GOLM2: variants seen among roughly 807,000 people sequenced by gnomAD.
GOLM2 encodes the protein golgi membrane protein 2.
A neutral mutation model predicts 55.9 loss-of-function variants in GOLM2; 26 were observed. The observed-to-expected ratio is 0.47, with a 90% CI of 0.34 to 0.65. The LOEUF (loss-of-function observed/expected upper bound fraction) is 0.65. GOLM2 is among the 30% of genes least tolerant of loss of function. The pLI, the probability that GOLM2 is intolerant of heterozygous loss-of-function variation, is 0.01. For synonymous variants in GOLM2, 165 were observed against 194.6 expected, an observed-to-expected ratio of 0.85 and a Z score of 1.27; for missense variants, 486 against 531.8, an observed-to-expected ratio of 0.91 and a Z score of 0.85.
intron 1 of GOLM2, among the ~76,000 whole-genome samples, chr15:44,310,562 C>T (rs1415587287): frequency 6.7e-6 from 1 of 149,516 alleles, no homozygotes; most frequent in East Asian, 2.0e-4. Flanking sequence ...TGATGCACAC[C>T]TATAATCCCA....
At chr15:44,362,872 C>G (rs1462240783) in intron 6 of GOLM2, among the ~76,000 whole-genome samples, 1 of 152,080 alleles carries the variant, frequency 6.6e-6, no homozygotes, top group Non-Finnish European at 1.5e-5. Context: ...AGAACAGAGC[C>G]CTCAGAAATA....
chr15:44,290,305 A>T (rs2078711447), intron 1 of GOLM2, among the ~76,000 whole-genome samples: 1 of 152,226 alleles, frequency 6.6e-6, no homozygotes, highest in Non-Finnish European at 1.5e-5. Context: ...AGGATAGTAG[A>T]TGCCTTTCTA....
intron 1 of GOLM2, among the ~76,000 whole-genome samples, chr15:44,302,750 CAA>C (rs2078807626): frequency 6.6e-6 from 1 of 152,100 alleles, no homozygotes; most frequent in African/African-American, 2.4e-5. Context: ...CTTGGCCTCC[CAA>C]AGTGTTGGGA....
chr15:44,293,519 T>G (rs1050448379), intron 1 of GOLM2, among the ~76,000 whole-genome samples: 2 of 152,200 alleles, frequency 1.3e-5, no homozygotes, highest in Non-Finnish European at 2.9e-5. Context: ...CCTTTTCTTG[T>G]TTTTGATAAT....
At chr15:44,327,095 C>T (rs889900996) in intron 2 of GOLM2, among the ~76,000 whole-genome samples, 2 of 151,580 alleles carry the variant, frequency 1.3e-5, no homozygotes, top group Non-Finnish European at 2.9e-5. Flanking sequence ...GGATTACAGG[C>T]TCAGACCACC....
At chr15:44,310,981 C>T (rs1479515885) in intron 1 of GOLM2, among the ~76,000 whole-genome samples, 3 of 152,062 alleles carry the variant, frequency 2.0e-5, no homozygotes, top group South Asian at 2.1e-4. Flanking sequence ...TGTGCCACTT[C>T]ACTCCAGCCT....
intron 1 of GOLM2, among the ~76,000 whole-genome samples, chr15:44,313,072 C>T (rs2078885130): frequency 1.3e-5 from 2 of 150,872 alleles, no homozygotes; most frequent in East Asian, 2.0e-4. Context: ...GAGCAAGACT[C>T]CATCTCAAAA....
intron 8 of GOLM2, chr15:44,387,462 A>G (rs2079454210): frequency 6.6e-6 from 1 of 152,112 alleles, no homozygotes; most frequent in South Asian, 2.1e-4. Flanking sequence ...GCTAGTGCAT[A>G]TAAATATGAC....
At chr15:44,303,947 C>T (rs1257051763) in intron 1 of GOLM2, among the ~76,000 whole-genome samples, 3 of 151,520 alleles carry the variant, frequency 2.0e-5, no homozygotes, top group Non-Finnish European at 4.4e-5. Flanking sequence ...CCAAGTAGGT[C>T]TCAAACTCCT....
At chr15:44,379,571 T>C (rs1165419474) in intron 6 of GOLM2, 119 bp from the exon 7 acceptor site, 2 of 650,634 alleles carry the variant, frequency 3.1e-6, no homozygotes, top group Non-Finnish European at 5.4e-6. Flanking sequence ...ATTACAAAAT[T>C]AGAATAAACA....
At chr15:44,354,235 C>T (rs998236308) in intron 6 of GOLM2, among the ~76,000 whole-genome samples, 11 of 141,312 alleles carry the variant, frequency 7.8e-5, no homozygotes, top group East Asian at 4.2e-4. Flanking sequence ...GACCATAAAA[C>T]GGGAATTGAA....
At position 44,322,888 on chromosome 15, in the gene GOLM2, C is replaced by T. The variant is rs562811316; in HGVS notation, c.328-77C>T. On this transcript the variant is annotated intron_variant, in intron 1 of 9. Transcript: ENST00000299957. ...TTTTTTGTTTGCATTTATGATCAAGCTCAAAGTGAATATGAACCAAAAAAA... is the reference window on the plus strand; with the variant it reads ...TTTTTTGTTTGCATTTATGATCAAGTTCAAAGTGAATATGAACCAAAAAAA... The T allele has an allele frequency of 4.5e-5, 44 of 979,212 alleles. No homozygotes were observed. The Middle Eastern group carries it at 2.5e-3, about 55-fold the overall frequency. The allele number at this position is 979,212 out of a possible 1,614,324, so 60.7% of individuals were successfully genotyped here. A position where few individuals can be genotyped will look rare whatever the true frequency, so the allele number is the denominator to read the frequency against.
At chr15:44,309,056 A>G (rs896886028) in intron 1 of GOLM2, among the ~76,000 whole-genome samples, 12 of 152,210 alleles carry the variant, frequency 7.9e-5, no homozygotes, top group African/African-American at 2.4e-4. Context: ...ATTATTAATC[A>G]TCAGGGAAAT....
chr15:44,302,553 C>T (rs1054419356), intron 1 of GOLM2, among the ~76,000 whole-genome samples: 10 of 151,750 alleles, frequency 6.6e-5, no homozygotes, highest in African/African-American at 1.9e-4. Flanking sequence ...TGCAGTGTCA[C>T]CATCTCAGCT....
chr15:44,297,306 G>A (rs2078762960), intron 1 of GOLM2, among the ~76,000 whole-genome samples: 1 of 152,168 alleles, frequency 6.6e-6, no homozygotes, highest in East Asian at 1.9e-4. Flanking sequence ...CAGAGTGGCT[G>A]TATGACTCAC....
intron 6 of GOLM2, among the ~76,000 whole-genome samples, chr15:44,370,746 T>C (rs1186409730): frequency 6.6e-6 from 1 of 152,152 alleles, no homozygotes; most frequent in Non-Finnish European, 1.5e-5. Flanking sequence ...CTGAAGCATC[T>C]ACTTCTTGGG....
chr15:44,402,832 A>T, intron 8 of GOLM2, 55 bp from the exon 9 acceptor site: 3 of 1,569,412 alleles, frequency 1.9e-6, no homozygotes, highest in Non-Finnish European at 2.6e-6. Flanking sequence ...TTCCGTATAG[A>T]TTCCTTCTTT....
chr15:44,324,814 AAGTTAAACTAAGGG>A (rs1453626097), intron 2 of GOLM2, among the ~76,000 whole-genome samples: 1 of 151,902 alleles, frequency 6.6e-6, no homozygotes, highest in African/African-American at 2.4e-5. Flanking sequence ...TAATCTTTTG[AAGTTAAACTAAGGG>A]AGTACAGCCA....
At chr15:44,391,812 G>A (rs1055716000) in intron 8 of GOLM2, among the ~76,000 whole-genome samples, 3 of 151,878 alleles carry the variant, frequency 2.0e-5, no homozygotes, top group Admixed American at 6.6e-5. Context: ...TAATATTTTG[G>A]TACCTAAATG....
Sources: gnomAD v4.1 joint callset for allele counts (sites outside exome capture counted in the v4.1 genomes callset) on GRCh38, gnomAD v4.1.1 for gene constraint, MANE v1.5 for transcripts, NCBI Gene and HGNC (gene_info 2026-07-23, HGNC 2026-07-21) for gene names.